MIA2: variants seen among roughly 807,000 people sequenced by gnomAD.
MIA2 encodes the protein MIA SH3 domain ER export factor 2, also known as melanoma inhibitory activity protein 2.
Under a neutral mutation model 167.8 loss-of-function variants are expected in MIA2, and 127 were observed. That is an observed-to-expected ratio of 0.76 (90% CI 0.66 to 0.88). The LOEUF (loss-of-function observed/expected upper bound fraction) is 0.88. Ranked by LOEUF, MIA2 falls within the 40% of genes least tolerant of loss-of-function variation. The probability of loss-of-function intolerance (pLI) is 0.00; values close to 1 mark genes in which losing one functional copy is unlikely to be tolerated. For missense variants in MIA2, 1,690 were observed against 1,624.7 expected (o/e 1.04, Z -0.69); for synonymous variants, 552 against 541.9 (o/e 1.02, Z -0.26).
intron 6 of MIA2, among the ~76,000 whole-genome samples, chr14:39,255,073 C>G (rs1490320184): frequency 6.6e-6 from 1 of 152,114 alleles, no homozygotes; most frequent in African/African-American, 2.4e-5. Flanking sequence ...CATCATTTTG[C>G]TTTCAGAGGC....
At chr14:39,351,685 G>T (rs983780514), downstream of MIA2, among the ~76,000 whole-genome samples, 1 of 152,056 alleles carries the variant, frequency 6.6e-6, no homozygotes, top group Non-Finnish European at 1.5e-5. Flanking sequence ...CAGCAAGAAG[G>T]TTCCATCTCT....
chr14:39,294,983 A>C lies in MIA2; in HGVS notation c.2450A>C (p.Lys817Thr). ...MNEERLKIAI[K>T]DALNENSQLQ... ...GAAGAACGACTGAAGATAGCAATAA[A>C]AGATGCTTTGAATGAAAATTCTCAA... The change falls in exon 13 of 29, where the codon AAA (lysine) becomes ACA (threonine). Residue 817 changes from lysine (K) to threonine (T), a missense_variant. Transcript: ENST00000640607. The C allele has an allele frequency of 1.9e-6, 3 of 1,614,070 alleles. No individual in the cohort carries two copies. Among genetic ancestry groups the C allele is most frequent in the African/African-American group, 1.3e-5 (1 of 75,064 alleles).
chr14:39,313,102 CTCTT>C (rs2064643390), intron 18 of MIA2, among the ~76,000 whole-genome samples: 2 of 151,808 alleles, frequency 1.3e-5, no homozygotes, highest in African/African-American at 4.8e-5. Context: ...ATATAGAAAA[CTCTT>C]GAAACTATTA....
chr14:39,346,029 A>G lies in MIA2; in HGVS notation c.3778+3A>G. On this transcript the variant is annotated splice_donor_region_variant and intron_variant, in intron 26 of 28. Coordinates refer to ENST00000640607, the MANE Select transcript of MIA2 (RefSeq NM_001329214.4). ...TATGCCTTCTTTGGATAAAATGGGT[A>G]AGAAGTACTTTGTGCTTTTCTTCTT... 6.2e-7 allele frequency: 1 copy of G among 1,610,940 alleles called. No homozygotes were observed. The highest frequency in any genetic ancestry group is 8.5e-7 in the Non-Finnish European group (1 of 1,178,002).
At position 39,350,497 on chromosome 14, in the gene MIA2, A is replaced by T. The variant is rs2074270396; in HGVS notation, c.*233A>T. On this transcript the variant is annotated 3_prime_UTR_variant, in exon 29 of 29. Transcript: ENST00000640607. Reference sequence around the variant, plus strand: ...CAATTTGATTAATCCACTATTATATAAACAATAGTGGGAGTTTTATATATG... The same window carrying T: ...CAATTTGATTAATCCACTATTATATTAACAATAGTGGGAGTTTTATATATG... 1 of 375,720 alleles carries T rather than the reference A, an allele frequency of 2.7e-6. No homozygotes were observed. The allele number at this position is 375,720 out of a possible 1,614,324, so 23.3% of individuals were successfully genotyped here. A position where few individuals can be genotyped will look rare whatever the true frequency, so the allele number is the denominator to read the frequency against.
chr14:39,340,031 C>T lies in MIA2; in HGVS notation c.3656-5873C>T, dbSNP rs117105601. On this transcript the variant is annotated intron_variant, in intron 25 of 28. Coordinates refer to ENST00000640607, the MANE Select transcript of MIA2 (RefSeq NM_001329214.4). Reference sequence around the variant, plus strand: ...CTAATTTTTAAATTTTCTGTAGAGACGGGGCCTCACTATGTTGCCCAGGCA... The same window carrying T: ...CTAATTTTTAAATTTTCTGTAGAGATGGGGCCTCACTATGTTGCCCAGGCA... 1.1e-4 allele frequency among the ~76,000 whole-genome samples: 16 copies of T among 152,176 alleles called. No homozygotes were observed. In the East Asian group the frequency reaches 2.9e-3, roughly 28 times the overall value.
downstream of MIA2, among the ~76,000 whole-genome samples, chr14:39,354,539 T>C (rs184701477): frequency 7.7e-4 from 117 of 152,358 alleles, no homozygotes; most frequent in Middle Eastern, 6.8e-3. Flanking sequence ...TAGTTTCTTT[T>C]GCTGTGCAGA....
intron 25 of MIA2, among the ~76,000 whole-genome samples, chr14:39,343,217 T>C (rs1016011372): frequency 9.9e-5 from 15 of 152,212 alleles, no homozygotes; most frequent in African/African-American, 3.6e-4. Context: ...TGATCTTGGC[T>C]GACTGCAACC....
At chr14:39,260,702 T>C (rs2055060326) in intron 6 of MIA2, among the ~76,000 whole-genome samples, 1 of 152,220 alleles carries the variant, frequency 6.6e-6, no homozygotes, top group Admixed American at 6.5e-5. Flanking sequence ...GCAGAAGCTC[T>C]TTAGTTTAAT....
chr14:39,247,391 C>T lies in MIA2; in HGVS notation c.817C>T (p.Gln273Ter). The T allele has an allele frequency of 6.2e-7, 1 of 1,614,026 alleles. No individual in the cohort carries two copies. The highest frequency in any genetic ancestry group is 1.1e-5 in the South Asian group (1 of 91,066). The change falls in exon 4 of 29, where the codon CAA becomes TAA. Residue 273 changes from glutamine to a stop codon, truncating the protein, a stop_gained. Coordinates refer to ENST00000640607, the MANE Select transcript of MIA2 (RefSeq NM_001329214.4). LOFTEE classifies it high-confidence loss of function. Reference protein sequence around the residue: ...DLEELNNGEPQTEHQQESESE... With the variant: ...DLEELNNGEP Reference sequence around the variant, plus strand: ...AGAGGAATTAAATAATGGTGAGCCTCAAACAGAACATCAGCAAGAATCTGA... The same window carrying T: ...AGAGGAATTAAATAATGGTGAGCCTTAAACAGAACATCAGCAAGAATCTGA...
chr14:39,351,443 A>G (rs2074377163), downstream of MIA2: 6 of 152,128 alleles, frequency 3.9e-5, no homozygotes, highest in African/African-American at 1.4e-4. Flanking sequence ...TGGTTAAAAT[A>G]TTAAGTAAAA....
At chr14:39,362,102 G>A (rs929401385) in intron 23 of MIA2, among the ~76,000 whole-genome samples, 1 of 152,026 alleles carries the variant, frequency 6.6e-6, no homozygotes, top group African/African-American at 2.4e-5. Flanking sequence ...ATTAATATTC[G>A]TTGAGTTTTA....
At chr14:39,289,020 T>C (rs1401727123) in intron 9 of MIA2, among the ~76,000 whole-genome samples, 2 of 152,314 alleles carry the variant, frequency 1.3e-5, no homozygotes, top group Middle Eastern at 3.4e-3. Context: ...TCCTGTTGTT[T>C]TTCTTGGAAG....
At chr14:39,272,790 C>A (rs1045935602) in intron 6 of MIA2, among the ~76,000 whole-genome samples, 1 of 152,194 alleles carries the variant, frequency 6.6e-6, no homozygotes, top group East Asian at 1.9e-4. Context: ...AGCCCATGGA[C>A]GTGGATTGGC....
intron 23 of MIA2, among the ~76,000 whole-genome samples, chr14:39,376,452 A>G (rs181932112): frequency 6.6e-6 from 1 of 152,338 alleles, no homozygotes; most frequent in East Asian, 1.9e-4. Context: ...TAGCTCTATC[A>G]TTTAAAAATT....
At chr14:39,236,724 G>A (rs1404500139) in intron 1 of MIA2, among the ~76,000 whole-genome samples, 198 bp from the exon 2 acceptor site, 1 of 152,166 alleles carries the variant, frequency 6.6e-6, no homozygotes, top group Non-Finnish European at 1.5e-5. Context: ...GTTATGGACA[G>A]CCTTGGATAC....
At chr14:39,266,072 T>C (rs150503222) in intron 6 of MIA2, 1 of 985,488 alleles carries the variant, frequency 1.0e-6, no homozygotes, top group African/African-American at 1.7e-5. Flanking sequence ...TTAAATGGCA[T>C]AACAGTTCGT....
At chr14:39,312,887 TTGTG>T (rs35409851) in intron 18 of MIA2, among the ~76,000 whole-genome samples, 14 of 150,008 alleles carry the variant, frequency 9.3e-5, no homozygotes, top group Non-Finnish European at 1.0e-4. Context: ...GTAATTATAA[TTGTG>T]TGTGTGTGTG....
chr14:39,259,783 T>C (rs2055000026), intron 6 of MIA2, among the ~76,000 whole-genome samples: 1 of 151,230 alleles, frequency 6.6e-6, no homozygotes, highest in South Asian at 2.1e-4. Context: ...TGTGTATACA[T>C]GTGCCGTGTT....
Sources: allele counts gnomAD v4.1 joint callset (sites outside exome capture counted in the v4.1 genomes callset), GRCh38; gene constraint gnomAD v4.1.1; transcripts MANE v1.5; gene names NCBI Gene and HGNC (gene_info 2026-07-23, HGNC 2026-07-21).